KCNQ3: variants seen among roughly 807,000 people sequenced by gnomAD.
KCNQ3 encodes the protein potassium voltage-gated channel subfamily Q member 3.
Under a neutral mutation model 92.5 loss-of-function variants are expected in KCNQ3, and 30 were observed. The observed-to-expected ratio is 0.32, with a 90% CI of 0.24 to 0.44. The LOEUF is 0.44. Ranked by LOEUF, KCNQ3 falls within the 20% of genes least tolerant of loss-of-function variation. The pLI is 1.00. For missense variants in KCNQ3, 913 were observed against 1,140.3 expected (o/e 0.80, Z 2.87); for synonymous variants, 450 against 468.8 (o/e 0.96, Z 0.52).
intron 1 of KCNQ3, among the ~76,000 whole-genome samples, chr8:132,330,936 A>G (rs976255120): frequency 2.0e-5 from 3 of 152,176 alleles, no homozygotes; most frequent in African/African-American, 7.2e-5. Context: ...CATCTTCTCC[A>G]TGATCAGCAC....
intron 1 of KCNQ3, among the ~76,000 whole-genome samples, chr8:132,212,465 A>G (rs1813891223): frequency 6.6e-6 from 1 of 152,042 alleles, no homozygotes; most frequent in Non-Finnish European, 1.5e-5. Context: ...TCTTTTTCAG[A>G]ATCATGTTCC....
intron 1 of KCNQ3, among the ~76,000 whole-genome samples, chr8:132,187,484 G>T (rs1012809285): frequency 7.2e-5 from 11 of 152,298 alleles, no homozygotes; most frequent in Non-Finnish European, 1.2e-4. Flanking sequence ...CTGAATCTTT[G>T]TGTCTCCAAT....
chr8:132,131,954 G>A (rs1824894156), intron 14 of KCNQ3, among the ~76,000 whole-genome samples: 1 of 152,102 alleles, frequency 6.6e-6, no homozygotes, highest in Non-Finnish European at 1.5e-5. Flanking sequence ...TGGGCATGAT[G>A]GCAGGCGCCT....
chr8:132,369,573 GCACACACACA>G (rs3049658), intron 1 of KCNQ3, among the ~76,000 whole-genome samples: 5 of 148,140 alleles, frequency 3.4e-5, no homozygotes, highest in African/African-American at 5.0e-5. Context: ...TGCTCAAACA[GCACACACACA>G]CACACACACA....
chr8:132,284,093 T>G (rs1816609567), intron 1 of KCNQ3, among the ~76,000 whole-genome samples: 1 of 152,084 alleles, frequency 6.6e-6, no homozygotes, highest in Admixed American at 6.5e-5. Flanking sequence ...AGAAGCGAGA[T>G]GCCACAAGGA....
chr8:132,159,062 A>G (rs2130055824), intron 9 of KCNQ3, among the ~76,000 whole-genome samples: 1 of 152,356 alleles, frequency 6.6e-6, no homozygotes, highest in Non-Finnish European at 1.5e-5. Context: ...GAGAATTTAA[A>G]AAATGCTAGT....
chr8:132,335,754 G>A (rs539649298), intron 1 of KCNQ3, among the ~76,000 whole-genome samples: 2 of 152,314 alleles, frequency 1.3e-5, no homozygotes, highest in Middle Eastern at 6.8e-3. Flanking sequence ...TCAGGCTATG[G>A]GGTATGCTGT....
chr8:132,140,737 C>T (rs914866580), intron 10 of KCNQ3: 4 of 297,940 alleles, frequency 1.3e-5, no homozygotes, highest in African/African-American at 8.7e-5. Context: ...ATGGCTCCTA[C>T]AGCCTCCAGA....
At chr8:132,247,054 C>A (rs1301510318) in intron 1 of KCNQ3, among the ~76,000 whole-genome samples, 1 of 152,190 alleles carries the variant, frequency 6.6e-6, no homozygotes, top group Non-Finnish European at 1.5e-5. Context: ...GTCTCTCTAT[C>A]AAAGACAAGC....
chr8:132,353,387 C>A (rs1366229388), intron 1 of KCNQ3, among the ~76,000 whole-genome samples: 1 of 152,090 alleles, frequency 6.6e-6, no homozygotes, highest in Non-Finnish European at 1.5e-5. Context: ...TGATCGACAA[C>A]TAAGGACAAC....
intron 1 of KCNQ3, among the ~76,000 whole-genome samples, chr8:132,320,872 C>T (rs1030707736): frequency 6.6e-6 from 1 of 152,224 alleles, no homozygotes; most frequent in African/African-American, 2.4e-5. Context: ...CCTCTATTCA[C>T]GTGCAACAGT....
At position 132,126,013 on chromosome 8, in the gene KCNQ3, T is replaced by C. The variant is rs949861144; in HGVS notation, c.*3249A>G. ...AGGATCATGTTTCGCTTAACATTTGTGAAGTTGATTTATCTAATTCATTTT... is the reference window on the plus strand; with the variant it reads ...AGGATCATGTTTCGCTTAACATTTGCGAAGTTGATTTATCTAATTCATTTT... On this transcript the variant is annotated 3_prime_UTR_variant, in exon 15 of 15. Transcript: ENST00000388996. 6.6e-6 allele frequency: 1 copy of C among 152,244 alleles called. No homozygotes were observed. Among genetic ancestry groups the C allele is most frequent in the Non-Finnish European group, 1.5e-5 (1 of 68,054 alleles). The allele number at this position is 152,244 out of a possible 1,614,324, so 9.4% of individuals were successfully genotyped here. A position where few individuals can be genotyped will look rare whatever the true frequency, so the allele number is the denominator to read the frequency against.
intron 1 of KCNQ3, among the ~76,000 whole-genome samples, chr8:132,464,781 C>T (rs989429965): frequency 2.0e-5 from 3 of 152,176 alleles, no homozygotes; most frequent in Non-Finnish European, 4.4e-5. Flanking sequence ...GAGTGAGTGT[C>T]ACACCATTAT....
In KCNQ3 at chr8:132,128,970, T is replaced by G. The variant is rs1824757717; in HGVS notation, c.*292A>C. On this transcript the variant is annotated 3_prime_UTR_variant, in exon 15 of 15. Transcript: ENST00000388996. ...CATCAGTAATTTCTCCCTGTACTGGTCCAATCGTGATTAAAAGTAAGAACA... is the reference window on the plus strand; with the variant it reads ...CATCAGTAATTTCTCCCTGTACTGGGCCAATCGTGATTAAAAGTAAGAACA... 2.2e-6 allele frequency: 1 copy of G among 460,750 alleles called. No homozygotes were observed. The highest frequency in any genetic ancestry group is 3.5e-5 in the Admixed American group (1 of 28,748). The allele number at this position is 460,750 out of a possible 1,614,324, so 28.5% of individuals were successfully genotyped here. A position where few individuals can be genotyped will look rare whatever the true frequency, so the allele number is the denominator to read the frequency against.
At chr8:132,215,711 G>A (rs932495936) in intron 1 of KCNQ3, among the ~76,000 whole-genome samples, 1 of 152,216 alleles carries the variant, frequency 6.6e-6, no homozygotes, top group African/African-American at 2.4e-5. Context: ...GGGCAGATGT[G>A]CCTGCCAGGT....
chr8:132,411,461 G>A (rs540330606), intron 1 of KCNQ3, among the ~76,000 whole-genome samples: 1 of 152,262 alleles, frequency 6.6e-6, no homozygotes, highest in Admixed American at 6.5e-5. Context: ...AGAAGGAGGT[G>A]GCCCTGGGTG....
At chr8:132,446,750 G>A (rs946590005) in intron 1 of KCNQ3, among the ~76,000 whole-genome samples, 3 of 152,160 alleles carry the variant, frequency 2.0e-5, no homozygotes, top group South Asian at 2.1e-4. Context: ...CAGTACAGGA[G>A]GCAAGTTCCC....
chr8:132,211,644 A>AT (rs546769673), intron 1 of KCNQ3, among the ~76,000 whole-genome samples: 78 of 152,062 alleles, frequency 5.1e-4, no homozygotes, highest in African/African-American at 1.6e-3. Context: ...TCATAAGTCT[A>AT]TTTTTTTTAT....
rs111951060 is a variant in KCNQ3, at chr8:132,251,786, T to C, written c.387-65605A>G. Among the ~76,000 whole-genome samples the C allele has an allele frequency of 3.6e-3, 550 of 152,354 alleles. 2 individuals are homozygous for C. The highest frequency in any genetic ancestry group is 0.013 in the African/African-American group (525 of 41,586). On this transcript the variant is annotated intron_variant, in intron 1 of 14. Coordinates refer to ENST00000388996, the MANE Select transcript of KCNQ3 (RefSeq NM_004519.4). The stretch of plus-strand genomic sequence containing the variant: ...CAGAGAATGCTTAAAAACATAGTTA[T>C]AGAGAGACAGCTGGGCCCTGTGGGC...
Sources: gnomAD v4.1 joint callset for allele counts (sites outside exome capture counted in the v4.1 genomes callset) on GRCh38, gnomAD v4.1.1 for gene constraint, MANE v1.5 for transcripts, NCBI Gene and HGNC (gene_info 2026-07-23, HGNC 2026-07-21) for gene names.